RBFOX3: variants seen among roughly 807,000 people sequenced by gnomAD.
The protein encoded by RBFOX3 is RNA binding fox-1 homolog 3.
Under a neutral mutation model 48.7 loss-of-function variants are expected in RBFOX3, and 17 were observed. The observed-to-expected ratio is 0.35, with a 90% CI of 0.24 to 0.52. RBFOX3 has a LOEUF of 0.52. RBFOX3 is among the 20% of genes least tolerant of loss of function. The pLI, the probability that RBFOX3 is intolerant of heterozygous loss-of-function variation, is 0.94. For missense variants in RBFOX3, 382 were observed against 497.5 expected, an observed-to-expected ratio of 0.77 and a Z score of 2.21; for synonymous variants, 212 against 209.5, an observed-to-expected ratio of 1.01 and a Z score of -0.10.
chr17:79,630,678 T>C, the RBFOX3 span, among the ~76,000 whole-genome samples: 1 of 152,272 alleles, frequency 6.6e-6, no homozygotes, highest in Non-Finnish European at 1.5e-5. Flanking sequence ...GTTTCATCCT[T>C]ACAAAATATT....
chr17:79,368,567 C>T (rs1294229380), intron 2 of RBFOX3, among the ~76,000 whole-genome samples: 4 of 152,220 alleles, frequency 2.6e-5, no homozygotes, highest in Admixed American at 6.5e-5. Flanking sequence ...TTGAGAAGCC[C>T]GTGGGTGGGT....
intron 3 of RBFOX3, among the ~76,000 whole-genome samples, chr17:79,268,231 T>C (rs2067059995): frequency 6.6e-6 from 1 of 152,166 alleles, no homozygotes; most frequent in Non-Finnish European, 1.5e-5. Context: ...GCAGACCATC[T>C]AGCCAGACCC....
intron 4 of RBFOX3, among the ~76,000 whole-genome samples, chr17:79,197,234 G>A (rs2055796393): frequency 2.6e-5 from 4 of 152,238 alleles, no homozygotes; most frequent in Middle Eastern, 3.4e-3. Context: ...TCCACATGCT[G>A]TTTTCTGTCT....
chr17:79,388,653 A>G (rs1330971956), intron 2 of RBFOX3, among the ~76,000 whole-genome samples: 1 of 152,182 alleles, frequency 6.6e-6, no homozygotes, highest in Non-Finnish European at 1.5e-5. Context: ...CACCTGCAGC[A>G]GCACTACCCT....
At chr17:79,351,050 C>T (rs1370297944) in intron 2 of RBFOX3, among the ~76,000 whole-genome samples, 4 of 152,180 alleles carry the variant, frequency 2.6e-5, no homozygotes, top group South Asian at 2.1e-4. Flanking sequence ...TTTCACCCGA[C>T]GTAATGTTTT....
intron 4 of RBFOX3, among the ~76,000 whole-genome samples, chr17:79,136,687 C>T (rs945515125): frequency 3.2e-4 from 49 of 152,284 alleles, no homozygotes; most frequent in Non-Finnish European, 2.9e-5. Flanking sequence ...TGCTGATCCT[C>T]ACCCGGAACC....
At chr17:79,656,668 G>GAAAGAAAGAAA in the RBFOX3 span, among the ~76,000 whole-genome samples, 1 of 90,928 alleles carries the variant, frequency 1.1e-5, no homozygotes, top group African/African-American at 5.7e-5. Flanking sequence ...AGAGAAGAAA[G>GAAAGAAAGAAA]GAAAGAAGGA....
At chr17:79,312,677 G>A (rs1371015572) in intron 2 of RBFOX3, among the ~76,000 whole-genome samples, 1 of 152,180 alleles carries the variant, frequency 6.6e-6, no homozygotes, top group African/African-American at 2.4e-5. Context: ...CTCAGGCCCA[G>A]GAAACCCTCC....
At chr17:79,373,385 G>C (rs998270439) in intron 2 of RBFOX3, among the ~76,000 whole-genome samples, 1 of 152,202 alleles carries the variant, frequency 6.6e-6, no homozygotes, top group Non-Finnish European at 1.5e-5. Flanking sequence ...CCAGGCACTC[G>C]GGCTGGGCGT....
At chr17:79,357,022 C>G (rs576773763) in intron 2 of RBFOX3, among the ~76,000 whole-genome samples, 1 of 152,304 alleles carries the variant, frequency 6.6e-6, no homozygotes, top group Admixed American at 6.5e-5. Context: ...AACAGAGACT[C>G]GGCAGTGACA....
At position 79,097,297 on chromosome 17, in the gene RBFOX3, G is replaced by A. The variant is rs1015038952; in HGVS notation, c.750C>T (p.Tyr250=). The change falls in exon 11 of 15, where the codon TAC becomes TAT. Residue 250 remains tyrosine (Y), a synonymous_variant. Coordinates refer to ENST00000693108, the MANE Select transcript of RBFOX3 (RefSeq NM_001350451.2). ...CCCCCGGCCCAGGTACTCACGCTCC[G>A]TAAGTCGGGATGGGGGGTGGGGGTG... ...AAPPPPPIPT[Y]GAALEQTLVK... The A allele has an allele frequency of 1.2e-5, 18 of 1,525,484 alleles. No homozygotes were observed. Among genetic ancestry groups the A allele is most frequent in the Admixed American group, 4.1e-5 (2 of 49,252 alleles). The allele number at this position is 1,525,484 out of a possible 1,614,324, so 94.5% of individuals were successfully genotyped here. A position where few individuals can be genotyped will look rare whatever the true frequency, so the allele number is the denominator to read the frequency against.
At chr17:79,134,449 C>T (rs753761956) in intron 4 of RBFOX3, among the ~76,000 whole-genome samples, 17 of 152,196 alleles carry the variant, frequency 1.1e-4, no homozygotes, top group Admixed American at 3.3e-4. Context: ...TGGGTGCTCA[C>T]GCCTGGTCGG....
chr17:79,434,843 C>T (rs921387327), intron 2 of RBFOX3, among the ~76,000 whole-genome samples: 3 of 152,064 alleles, frequency 2.0e-5, no homozygotes, highest in East Asian at 1.9e-4. Flanking sequence ...TCCGGGGCTA[C>T]GGGGAATCAG....
chr17:79,605,359 T>G (rs2093803232), intron 1 of RBFOX3, among the ~76,000 whole-genome samples: 1 of 152,172 alleles, frequency 6.6e-6, no homozygotes, highest in Non-Finnish European at 1.5e-5. Flanking sequence ...CTCAGGCAGT[T>G]TCCTTGCCTG....
rs1044212375 is a variant in RBFOX3, at chr17:79,205,142, T to A, written c.-34+30624A>T. ...CACTGCAATATTTATAATGATAGCA[T>A]CCCCATCCTTCCCCAGATGGACCTG... is the stretch of plus-strand genomic sequence containing the variant. On this transcript the variant is annotated intron_variant, in intron 4 of 14. Transcript: ENST00000693108. The surrounding 1 kb of genome is among the most constrained non-coding windows in gnomAD (Gnocchi z 4.5). Among the ~76,000 whole-genome samples, 3 of 152,208 alleles carry A rather than the reference T, an allele frequency of 2.0e-5. No homozygotes were observed. Among genetic ancestry groups the A allele is most frequent in the African/African-American group, 7.2e-5 (3 of 41,536 alleles).
At chr17:79,410,362 GGTCAGCACC>G (rs761565300) in intron 2 of RBFOX3, among the ~76,000 whole-genome samples, 1 of 152,158 alleles carries the variant, frequency 6.6e-6, no homozygotes, top group Non-Finnish European at 1.5e-5. Flanking sequence ...CAGAGTTCCA[GGTCAGCACC>G]TGGTGTACAC....
the RBFOX3 span, among the ~76,000 whole-genome samples, chr17:79,656,749 A>AAGGAAG: frequency 1.8e-3 from 95 of 51,896 alleles, no homozygotes; most frequent in African/African-American, 5.3e-3. Flanking sequence ...AAAGAAAGAA[A>AAGGAAG]GAAGGAAGGA....
Position 79,291,255 on chromosome 17 carries a change from G to C in RBFOX3, c.-74+16469C>G, listed in dbSNP as rs761395998. ...CCATAGGATCAATGGAGCATTCTTT[G>C]TGAGGTTATTTTCTCTCTCAGATGT... On this transcript the variant is annotated intron_variant, in intron 3 of 14. Coordinates refer to ENST00000693108, the MANE Select transcript of RBFOX3 (RefSeq NM_001350451.2). Among the ~76,000 whole-genome samples, 7 of 152,320 alleles carry C rather than the reference G, an allele frequency of 4.6e-5. No individual in the cohort carries two copies. The South Asian group carries it at 1.5e-3, about 32-fold the overall frequency.
chr17:79,405,117 G>A (rs2063367159), intron 2 of RBFOX3, among the ~76,000 whole-genome samples: 1 of 152,160 alleles, frequency 6.6e-6, no homozygotes, highest in African/African-American at 2.4e-5. Context: ...TCTTACAGCT[G>A]ATTTTCCCCC....
Sources: gnomAD v4.1 joint callset for allele counts (sites outside exome capture counted in the v4.1 genomes callset) on GRCh38, gnomAD v4.1.1 for gene constraint, Gnocchi (gnomAD v3.1) non-coding constraint, MANE v1.5 for transcripts, NCBI Gene and HGNC (gene_info 2026-07-23, HGNC 2026-07-21) for gene names.